The following NYAP2 variants were observed in gnomAD, a reference collection of about 807,000 sequenced individuals.
NYAP2 encodes neuronal tyrosine-phosphorylated phosphoinositide-3-kinase adapter 2.
Under a neutral mutation model 50.4 loss-of-function variants are expected in NYAP2, and 23 were observed. That is an observed-to-expected ratio of 0.46 (90% CI 0.33 to 0.65). NYAP2 has a LOEUF of 0.65. NYAP2 is among the 30% of genes least tolerant of loss of function. The pLI, the probability that NYAP2 is intolerant of heterozygous loss-of-function variation, is 0.02. For synonymous variants in NYAP2, 394 were observed against 365.2 expected (o/e 1.08, Z -0.90); for missense variants, 885 against 861.0 (o/e 1.03, Z -0.35).
chr2:225,553,142 G>T lies in NYAP2; in HGVS notation c.524-28799G>T, dbSNP rs531899706. 1.2e-4 allele frequency among the ~76,000 whole-genome samples: 18 copies of T among 152,314 alleles called. No homozygotes were observed. The South Asian group carries it at 3.1e-3, about 26-fold the overall frequency. Reference sequence around the variant, plus strand: ...ACAGCAAGGCTTGTGGAGCTCTGACGGGACGTCCCTGCCTGGCGGCGGCTG... The same window carrying T: ...ACAGCAAGGCTTGTGGAGCTCTGACTGGACGTCCCTGCCTGGCGGCGGCTG... On this transcript the variant is annotated intron_variant, in intron 4 of 6. Coordinates refer to ENST00000636099, the Ensembl canonical transcript of NYAP2.
intron 4 of NYAP2, among the ~76,000 whole-genome samples, chr2:225,544,864 A>G (rs1691543835): frequency 6.6e-6 from 1 of 152,162 alleles, no homozygotes; most frequent in South Asian, 2.1e-4. Flanking sequence ...CTTGTAGGAC[A>G]GGTCTGGTAT....
intron 3 of NYAP2, among the ~76,000 whole-genome samples, chr2:225,504,814 C>G (rs1223348034): frequency 6.6e-6 from 1 of 151,960 alleles, no homozygotes; most frequent in Non-Finnish European, 1.5e-5. Flanking sequence ...TTGAGACCAG[C>G]CTGACCAAGG....
chr2:225,615,188 C>G (rs1692967370), intron 5 of NYAP2, among the ~76,000 whole-genome samples: 1 of 152,100 alleles, frequency 6.6e-6, no homozygotes, highest in African/African-American at 2.4e-5. Context: ...TAACTAGATG[C>G]CCAGAAAGAA....
At chr2:225,450,203 C>T (rs1483483209) in intron 3 of NYAP2, among the ~76,000 whole-genome samples, 1 of 152,100 alleles carries the variant, frequency 6.6e-6, no homozygotes, top group Non-Finnish European at 1.5e-5. Flanking sequence ...AGGGAGCAGC[C>T]TCATAGACTG....
intron 5 of NYAP2, among the ~76,000 whole-genome samples, chr2:225,624,981 A>G (rs1396690142): frequency 2.0e-5 from 3 of 147,658 alleles, no homozygotes; most frequent in African/African-American, 7.5e-5. Flanking sequence ...ATAATGGTGA[A>G]CCAAAGTGTG....
chr2:225,618,093 C>T (rs1475932586), intron 5 of NYAP2, among the ~76,000 whole-genome samples: 2 of 152,160 alleles, frequency 1.3e-5, no homozygotes, highest in Admixed American at 6.5e-5. Context: ...AATGACACAA[C>T]GTTTTAATGT....
chr2:225,415,301 C>T (rs573309503), intron 3 of NYAP2, among the ~76,000 whole-genome samples: 1 of 152,082 alleles, frequency 6.6e-6, no homozygotes, highest in Non-Finnish European at 1.5e-5. Context: ...AAAGTCCATC[C>T]TTTGGACCAT....
At chr2:225,537,057 C>T (rs1465756543) in intron 4 of NYAP2, among the ~76,000 whole-genome samples, 3 of 152,104 alleles carry the variant, frequency 2.0e-5, no homozygotes, top group Non-Finnish European at 2.9e-5. Context: ...GGATTACAGG[C>T]GTGAGCCACT....
At chr2:225,460,006 C>T (rs982516939) in intron 3 of NYAP2, among the ~76,000 whole-genome samples, 6 of 152,154 alleles carry the variant, frequency 3.9e-5, no homozygotes, top group Admixed American at 2.6e-4. Context: ...AAACTCAGTT[C>T]GAGGTAGCTT....
chr2:225,611,886 A>ATG (rs1186461726), intron 5 of NYAP2, among the ~76,000 whole-genome samples: 16 of 140,654 alleles, frequency 1.1e-4, no homozygotes, highest in East Asian at 4.3e-4. Context: ...ATGTATATAT[A>ATG]TGTGTGTGTG....
At chr2:225,692,604 A>G in the NYAP2 span, among the ~76,000 whole-genome samples, 2 of 152,100 alleles carry the variant, frequency 1.3e-5, no homozygotes, top group Non-Finnish European at 2.9e-5. Flanking sequence ...ACACACACAC[A>G]GTACAATATC....
At chr2:225,459,643 T>TTTATTTATTTTA (rs1312821335) in intron 3 of NYAP2, among the ~76,000 whole-genome samples, 7 of 151,708 alleles carry the variant, frequency 4.6e-5, no homozygotes, top group African/African-American at 1.7e-4. Flanking sequence ...TATTTATTTA[T>TTTATTTATTTTA]TTTATTTATT....
At chr2:225,544,283 T>C (rs1172777710) in intron 4 of NYAP2, among the ~76,000 whole-genome samples, 2 of 151,936 alleles carry the variant, frequency 1.3e-5, no homozygotes. Context: ...TCCATTTATG[T>C]TCAATGTTAT....
At chr2:225,589,535 A>ATATATATG (rs1404030306) in intron 5 of NYAP2, among the ~76,000 whole-genome samples, 4 of 138,120 alleles carry the variant, frequency 2.9e-5, no homozygotes, top group Non-Finnish European at 6.2e-5. Context: ...ATATATATAT[A>ATATATATG]TATATATTTA....
intron 4 of NYAP2, among the ~76,000 whole-genome samples, chr2:225,539,055 C>A (rs1191833928): frequency 6.6e-6 from 1 of 151,916 alleles, no homozygotes; most frequent in Non-Finnish European, 1.5e-5. Context: ...TCTGTGTGTT[C>A]TCATTGTTCA....
intron 3 of NYAP2, among the ~76,000 whole-genome samples, chr2:225,506,625 C>CT (rs1221026748): frequency 1.3e-5 from 2 of 152,134 alleles, no homozygotes; most frequent in Non-Finnish European, 2.9e-5. Context: ...GAGCATTTGG[C>CT]TTTGAGCATC....
At chr2:225,446,973 G>A (rs972659998) in intron 3 of NYAP2, among the ~76,000 whole-genome samples, 2 of 151,950 alleles carry the variant, frequency 1.3e-5, no homozygotes, top group Non-Finnish European at 2.9e-5. Flanking sequence ...CTCTTTCACC[G>A]AGAAGCCAAG....
chr2:225,583,466 T>C (rs963118570), intron 5 of NYAP2, among the ~76,000 whole-genome samples: 2 of 152,220 alleles, frequency 1.3e-5, no homozygotes, highest in East Asian at 1.9e-4. Flanking sequence ...AGCCAAATAG[T>C]GTATCTTGAA....
chr2:225,490,568 G>T (rs189264741), intron 3 of NYAP2, among the ~76,000 whole-genome samples: 3 of 152,234 alleles, frequency 2.0e-5, no homozygotes, highest in East Asian at 3.9e-4. Flanking sequence ...CTACAGCAAG[G>T]CCTCCTGGAT....
Sources: allele counts gnomAD v4.1 joint callset (sites outside exome capture counted in the v4.1 genomes callset), GRCh38; gene constraint gnomAD v4.1.1; transcripts MANE v1.5; gene names NCBI Gene and HGNC (gene_info 2026-07-23, HGNC 2026-07-21).